AUTS2: variants seen among roughly 807,000 people sequenced by gnomAD.
AUTS2 encodes the protein autism susceptibility gene 2 protein.
Under a neutral mutation model 112.4 loss-of-function variants are expected in AUTS2, and 17 were observed. The observed-to-expected ratio is 0.15, with a 90% CI of 0.10 to 0.23. The LOEUF (loss-of-function observed/expected upper bound fraction) is 0.23, where lower values mean the gene tolerates loss of function less well. Among genes scored for constraint, AUTS2 ranks in the 10% least tolerant of loss-of-function variants. The pLI is 1.00. For missense variants in AUTS2, 1,510 were observed against 1,701.6 expected, an observed-to-expected ratio of 0.89 and a Z score of 1.98; for synonymous variants, 751 against 702.7, an observed-to-expected ratio of 1.07 and a Z score of -1.09.
At chr7:70,422,893 G>GA (rs1185926957) in intron 4 of AUTS2, among the ~76,000 whole-genome samples, 1 of 152,102 alleles carries the variant, frequency 6.6e-6, no homozygotes, top group African/African-American at 2.4e-5. Flanking sequence ...TCTTCACTCA[G>GA]ACACTCTCCA....
rs1327531381 is a variant in AUTS2, at chr7:70,395,157, T to G, written c.661-40595T>G. On this transcript the variant is annotated intron_variant, in intron 4 of 18. Coordinates refer to ENST00000342771, the MANE Select transcript of AUTS2 (RefSeq NM_015570.4). ...GGACTGAGAGAGAGTGGGGGACAGT[T>G]CTGTTATAGCCTAAGGTGACAAAGG... Among the ~76,000 whole-genome samples the G allele has an allele frequency of 2.0e-5, 3 of 151,924 alleles. No homozygotes were observed. In the East Asian group the frequency reaches 5.9e-4, roughly 30 times the overall value.
chr7:70,324,268 G>T (rs967159619), intron 4 of AUTS2, among the ~76,000 whole-genome samples: 2 of 152,182 alleles, frequency 1.3e-5, no homozygotes, highest in Non-Finnish European at 2.9e-5. Context: ...AGGGTCTTGG[G>T]TCTTATGAAT....
chr7:70,687,257 G>A (rs188611327), intron 5 of AUTS2, among the ~76,000 whole-genome samples: 8 of 152,292 alleles, frequency 5.3e-5, no homozygotes, highest in Admixed American at 3.9e-4. Context: ...AGACGGAAAC[G>A]AGACAGCCAT....
chr7:70,055,828 A>G (rs1801966487), intron 2 of AUTS2, among the ~76,000 whole-genome samples: 1 of 152,150 alleles, frequency 6.6e-6, no homozygotes, highest in South Asian at 2.1e-4. Context: ...AGTCAGATGT[A>G]CCAAGTTTCT....
chr7:70,563,434 C>T (rs1392662722), intron 5 of AUTS2, among the ~76,000 whole-genome samples: 3 of 152,178 alleles, frequency 2.0e-5, no homozygotes, highest in Non-Finnish European at 4.4e-5. Flanking sequence ...CTGTTGAGCT[C>T]ATTTCTGATA....
chr7:70,498,698 T>G (rs536218179), intron 5 of AUTS2, among the ~76,000 whole-genome samples: 1 of 152,256 alleles, frequency 6.6e-6, no homozygotes, highest in African/African-American at 2.4e-5. Flanking sequence ...GCCTTTTGAT[T>G]CTCTCTTTCA....
chr7:70,494,770 A>C (rs1798384223), intron 5 of AUTS2, among the ~76,000 whole-genome samples: 1 of 152,222 alleles, frequency 6.6e-6, no homozygotes, highest in Non-Finnish European at 1.5e-5. Flanking sequence ...ACAAAGTTCA[A>C]AAAGTAAACA....
intron 5 of AUTS2, among the ~76,000 whole-genome samples, chr7:70,555,836 C>T (rs1392099691): frequency 7.4e-5 from 11 of 148,230 alleles, no homozygotes; most frequent in African/African-American, 2.0e-4. Context: ...AGAGTCTCGT[C>T]GCTCTGTCGC....
intron 4 of AUTS2, among the ~76,000 whole-genome samples, chr7:70,362,691 T>C (rs1350023680): frequency 1.3e-5 from 2 of 152,112 alleles, no homozygotes; most frequent in African/African-American, 2.4e-5. Context: ...TTTGATTTTA[T>C]TTTTTAATCA....
chr7:70,011,016 G>T lies in AUTS2; in HGVS notation c.523-107116G>T, dbSNP rs567071754. 1.8e-4 allele frequency among the ~76,000 whole-genome samples: 27 copies of T among 152,260 alleles called. No homozygotes were observed. The South Asian group carries it at 5.4e-3, about 30-fold the overall frequency. ...CTTGATTTGGTCATCAGGCATAAAGGATGGCCAGATTACTAGTAACTTATT... is the reference window on the plus strand; with the variant it reads ...CTTGATTTGGTCATCAGGCATAAAGTATGGCCAGATTACTAGTAACTTATT... On this transcript the variant is annotated intron_variant, in intron 2 of 18. Transcript: ENST00000342771.
At chr7:70,510,767 C>T (rs947079348) in intron 5 of AUTS2, among the ~76,000 whole-genome samples, 3 of 152,042 alleles carry the variant, frequency 2.0e-5, no homozygotes, top group African/African-American at 4.8e-5. Flanking sequence ...ATGTATTTAA[C>T]AGGTAATAGG....
chr7:70,211,913 G>C (rs980769259), intron 4 of AUTS2, among the ~76,000 whole-genome samples: 1 of 152,064 alleles, frequency 6.6e-6, no homozygotes, highest in Non-Finnish European at 1.5e-5. Context: ...GTGAGCCTGG[G>C]AGGCGGAGCT....
rs149532887 is a variant in AUTS2 at position 70,249,495 on chromosome 7, A to G, written c.660+114924A>G. Among the ~76,000 whole-genome samples the G allele has an allele frequency of 4.6e-3, 705 of 152,258 alleles. 14 individuals are homozygous for G. The highest frequency in any genetic ancestry group is 0.027 in the Admixed American group (409 of 15,286). ...CTCCTGGGGCGCGTTCTTAGAGGCT[A>G]TGATTCAGTAGGTCAGCAAAGAGAC... On this transcript the variant is annotated intron_variant, in intron 4 of 18. Transcript: ENST00000342771.
intron 1 of AUTS2, among the ~76,000 whole-genome samples, chr7:69,825,550 T>C (rs1791202967): frequency 6.6e-6 from 1 of 152,154 alleles, no homozygotes; most frequent in Non-Finnish European, 1.5e-5. Context: ...TGTATTTGGG[T>C]AGCGGTTTGG....
chr7:70,129,061 C>A (rs1389783619), intron 3 of AUTS2, among the ~76,000 whole-genome samples: 1 of 152,136 alleles, frequency 6.6e-6, no homozygotes, highest in Non-Finnish European at 1.5e-5. Flanking sequence ...AGAAACAGAA[C>A]CACAGCAGAA....
intron 5 of AUTS2, among the ~76,000 whole-genome samples, chr7:70,636,448 T>C (rs1805536573): frequency 6.6e-6 from 1 of 152,148 alleles, no homozygotes; most frequent in South Asian, 2.1e-4. Context: ...TAGTTGCTTA[T>C]GGCAGCCATG....
intron 1 of AUTS2, among the ~76,000 whole-genome samples, chr7:69,859,541 CCTATT>C (rs1792883696): frequency 6.6e-6 from 1 of 152,170 alleles, no homozygotes; most frequent in Non-Finnish European, 1.5e-5. Flanking sequence ...TCTAGTCACT[CCTATT>C]CTTATCTCCA....
chr7:70,298,916 C>T (rs1789069732), intron 4 of AUTS2, among the ~76,000 whole-genome samples: 2 of 152,204 alleles, frequency 1.3e-5, no homozygotes, highest in Admixed American at 6.5e-5. Context: ...TAATAGGTTT[C>T]ACCCTCCCAT....
intron 5 of AUTS2, among the ~76,000 whole-genome samples, chr7:70,542,260 A>G (rs993532691): frequency 1.2e-4 from 19 of 152,140 alleles, no homozygotes; most frequent in Non-Finnish European, 2.8e-4. Flanking sequence ...CCTTCCTGAG[A>G]GTTCACTAGC....
Sources: allele counts gnomAD v4.1 joint callset (sites outside exome capture counted in the v4.1 genomes callset), GRCh38; gene constraint gnomAD v4.1.1; transcripts MANE v1.5; gene names NCBI Gene and HGNC (gene_info 2026-07-23, HGNC 2026-07-21).